The following DISP3 variants were observed in gnomAD, a reference collection of about 807,000 sequenced individuals.
DISP3 encodes the protein protein dispatched homolog 3.
Under a neutral mutation model 135.3 loss-of-function variants are expected in DISP3, and 101 were observed. The observed-to-expected ratio is 0.75, with a 90% confidence interval of 0.64 to 0.88. The LOEUF (loss-of-function observed/expected upper bound fraction) is 0.88. Ranked by LOEUF, DISP3 falls within the 40% of genes least tolerant of loss-of-function variation. DISP3 has a pLI of 0.00. For missense variants in DISP3, 1,713 were observed against 1,878.6 expected (o/e 0.91, Z 1.63); for synonymous variants, 856 against 817.0 (o/e 1.05, Z -0.81).
At chr1:11,532,715 G>GT (rs1231606007) in intron 17 of DISP3, among the ~76,000 whole-genome samples, 1 of 152,050 alleles carries the variant, frequency 6.6e-6, no homozygotes, top group African/African-American at 2.4e-5. Context: ...TTGTTTGTTT[G>GT]TTTTGAGTCA....
chr1:11,494,975 G>A (rs925370937), intron 1 of DISP3, among the ~76,000 whole-genome samples: 6 of 152,190 alleles, frequency 3.9e-5, no homozygotes, highest in Non-Finnish European at 7.3e-5. Flanking sequence ...GAGGAGTGAG[G>A]CCTGGCAGGG....
intron 1 of DISP3, among the ~76,000 whole-genome samples, chr1:11,480,673 G>A (rs1284357471): frequency 3.1e-5 from 3 of 95,470 alleles, no homozygotes; most frequent in Admixed American, 1.3e-4. Context: ...CCCAGCGCGC[G>A]CGTGCACACA....
chr1:11,525,390 C>T, intron 12 of DISP3, 78 bp downstream of exon 12: 1 of 1,499,026 alleles, frequency 6.7e-7, no homozygotes, highest in Non-Finnish European at 8.9e-7. Context: ...TGGTGGGCAG[C>T]CCTGGCCAAT....
At position 11,501,817 on chromosome 1, in the gene DISP3, C is replaced by G. The variant is rs1376102818; in HGVS notation, c.825C>G (p.Ile275Met). The G allele has an allele frequency of 6.2e-7, 1 of 1,609,614 alleles. No homozygotes were observed. Among genetic ancestry groups the G allele is most frequent in the Non-Finnish European group, 8.5e-7 (1 of 1,178,032 alleles). The change falls in exon 2 of 21, where the codon ATC (isoleucine) becomes ATG (methionine). Residue 275 changes from isoleucine (I) to methionine (M), a missense_variant. Around this residue, in one of 2 missense-constraint regions of DISP3, gnomAD observed 571 missense variants for 494.1 expected, o/e 1.16. Coordinates refer to ENST00000294484, the MANE Select transcript of DISP3 (RefSeq NM_020780.2). The surrounding 1 kb of genome is among the most constrained non-coding windows in gnomAD (Gnocchi z 4.9). ...ANTQTHAHWRIELIFLARGDA... is the reference protein window; with the variant it reads ...ANTQTHAHWRMELIFLARGDA... Reference sequence around the variant, plus strand: ...CTCAGACGCACGCGCACTGGCGCATCGAGCTCATCTTCCTGGCGCGCGGCG... The same window carrying G: ...CTCAGACGCACGCGCACTGGCGCATGGAGCTCATCTTCCTGGCGCGCGGCG...
chr1:11,501,950 G>A lies in DISP3; in HGVS notation c.958G>A (p.Glu320Lys), dbSNP rs1641548274. ...GFREFCWKPHEVLKDLPLGSY... is the reference protein window; with the variant it reads ...GFREFCWKPHKVLKDLPLGSY... ...CCGGGAGTTCTGCTGGAAGCCCCAC[G>A]AGGTGCTCAAGGATCTGCCGCTGGG... The change falls in exon 2 of 21, where the codon GAG becomes AAG. Residue 320 changes from glutamate (E) to lysine (K), a missense_variant. By Grantham distance (56) the Glu-to-Lys change is moderately conservative. Coordinates refer to ENST00000294484, the MANE Select transcript of DISP3 (RefSeq NM_020780.2). This position sits in a 1 kb window ranked among gnomAD's most constrained non-coding sequence, Gnocchi z 4.9. 1 of 1,613,846 alleles carries A rather than the reference G, an allele frequency of 6.2e-7. No homozygotes were observed. Among genetic ancestry groups the A allele is most frequent in the Non-Finnish European group, 8.5e-7 (1 of 1,179,964 alleles).
rs201521456 is a variant in DISP3, at chr1:11,490,255, TTTTTTG to T, written c.-3-10710_-3-10705del. Among the ~76,000 whole-genome samples, 255 of 151,878 alleles carry T rather than the reference TTTTTTG, an allele frequency of 1.7e-3. 1 individual carries two copies. The highest frequency in any genetic ancestry group is 4.5e-3 in the African/African-American group (188 of 41,388). ...ACAGGTTCTGTAAGTGTTGCTGGGG[TTTTTTG>T]TTTTTGTTTTTGTTTTTGTTTTTGG... On this transcript the variant is annotated intron_variant, in intron 1 of 20. Transcript: ENST00000294484.
intron 1 of DISP3, among the ~76,000 whole-genome samples, chr1:11,479,638 G>T (rs1471836889): frequency 6.6e-6 from 1 of 152,212 alleles, no homozygotes; most frequent in Non-Finnish European, 1.5e-5. Context: ...AGCATTCTTG[G>T]TCGGCCAAGG....
rs1237196099 is a variant in DISP3 at position 11,499,522 on chromosome 1, TG to T, written c.-3-1465del. Among the ~76,000 whole-genome samples, 1 of 152,108 alleles carries T rather than the reference TG, an allele frequency of 6.6e-6. No individual in the cohort carries two copies. The highest frequency in any genetic ancestry group is 1.5e-5 in the Non-Finnish European group (1 of 68,024). ...CAGGCTCGTGTTAGGGCGTTGCAAA[TG>T]GGAAGTTTAATTATTTCATTAATAC... On this transcript the variant is annotated intron_variant, in intron 1 of 20. Coordinates refer to ENST00000294484, the MANE Select transcript of DISP3 (RefSeq NM_020780.2). This position sits in a 1 kb window ranked among gnomAD's most constrained non-coding sequence, Gnocchi z 5.2.
chr1:11,525,172 G>A lies in DISP3; in HGVS notation c.2477-4G>A, dbSNP rs191852506. On this transcript the variant is annotated splice_region_variant and splice_polypyrimidine_tract_variant and intron_variant, in intron 11 of 20. Coordinates refer to ENST00000294484, the MANE Select transcript of DISP3 (RefSeq NM_020780.2). ...CCCCTCTTTCATCCCTTATTTGTCC[G>A]TAGATTTCCCAGGCACCGTGTACAT... 1,217 of 1,612,906 alleles carry A rather than the reference G, an allele frequency of 7.5e-4. 8 individuals carry two copies. In the African/African-American group the frequency reaches 0.012, roughly 16 times the overall value.
rs986349476 is a variant in DISP3, at chr1:11,531,367, G to A, written c.3230-198G>A. Among the ~76,000 whole-genome samples, 2 of 152,138 alleles carry A rather than the reference G, an allele frequency of 1.3e-5. No individual in the cohort carries two copies. The highest frequency in any genetic ancestry group is 2.4e-5 in the African/African-American group (1 of 41,430). On this transcript the variant is annotated intron_variant, in intron 16 of 20. Transcript: ENST00000294484. The surrounding 1 kb of genome is among the most constrained non-coding windows in gnomAD (Gnocchi z 5.2). ...AGCCAATGTGGATGAGGTCACCACC[G>A]GGGTGTCCCTGGGAGGGGCCCACAG... is the stretch of plus-strand genomic sequence containing the variant.
intron 1 of DISP3, among the ~76,000 whole-genome samples, chr1:11,488,318 A>G (rs1641092576): frequency 6.6e-6 from 1 of 152,060 alleles, no homozygotes; most frequent in South Asian, 2.1e-4. Flanking sequence ...TGAGGCTGAG[A>G]CCAGTGTCAG....
At position 11,530,910 on chromosome 1, in the gene DISP3, A is replaced by G; in HGVS notation, c.3106A>G (p.Ser1036Gly). The change falls in exon 16 of 21, where the codon AGT (serine) becomes GGT (glycine). Residue 1036 changes from serine (S) to glycine (G), a missense_variant. Ser to Gly is a moderately conservative substitution (Grantham distance 56). This residue lies in a region of DISP3 where 1,142 missense variants were observed against 1,384.6 expected (regional missense o/e 0.82). Transcript: ENST00000294484. ...GGCTTGTTTCTCCTTGGGAAAGGGTAGTGTTGTCTACGACAGCAGCTTTGA... is the reference window on the plus strand; with the variant it reads ...GGCTTGTTTCTCCTTGGGAAAGGGTGGTGTTGTCTACGACAGCAGCTTTGA... ...VDNHVIGDPG[S>G]VVYDSSFDLF... The G allele has an allele frequency of 6.2e-7, 1 of 1,613,568 alleles. No homozygotes were observed. The highest frequency in any genetic ancestry group is 8.5e-7 in the Non-Finnish European group (1 of 1,179,752).
intron 10 of DISP3, among the ~76,000 whole-genome samples, chr1:11,522,197 A>G (rs1354980786): frequency 6.6e-6 from 1 of 152,180 alleles, no homozygotes; most frequent in Admixed American, 6.5e-5. Flanking sequence ...TTGCCAGGGC[A>G]GTTAGAAACC....
In DISP3 at chr1:11,520,814, G is replaced by A. The variant is rs1642165299; in HGVS notation, c.2328G>A (p.Leu776=). 7 of 1,612,146 alleles carry A rather than the reference G, an allele frequency of 4.3e-6. No individual in the cohort carries two copies. Among genetic ancestry groups the A allele is most frequent in the South Asian group, 3.3e-5 (3 of 90,832 alleles). The change falls in exon 10 of 21, where the codon CTG becomes CTA. Residue 776 remains leucine, a synonymous_variant. Coordinates refer to ENST00000294484, the MANE Select transcript of DISP3 (RefSeq NM_020780.2). This position sits in a 1 kb window ranked among gnomAD's most constrained non-coding sequence, Gnocchi z 4.8. ...IQVLLDLKYN[L]SAEGISCITC... is the part of the protein sequence containing the mutation. ...TGCTGCTGGACCTCAAGTACAACCT[G>A]AGCGCCGAGGGCATCTCCTGCATCA...
At position 11,536,513 on chromosome 1, in the gene DISP3, G is replaced by T; in HGVS notation, c.4006G>T (p.Val1336Phe). 6.2e-7 allele frequency: 1 copy of T among 1,613,338 alleles called. No homozygotes were observed. Among genetic ancestry groups the T allele is most frequent in the Non-Finnish European group, 8.5e-7 (1 of 1,179,980 alleles). ...TGVSILYTLTVSTALLGIMAP... is the reference protein window; with the variant it reads ...TGVSILYTLTFSTALLGIMAP... ...CGTGTCCATCCTCTACACGCTGACC[G>T]TCAGCACCGCCCTGCTGGGCATCAT... Residue 1336 changes from valine to phenylalanine, a missense_variant, in exon 21 of 21, where the codon GTC (valine) becomes TTC (phenylalanine). Val to Phe is a conservative substitution (Grantham distance 50). Transcript: ENST00000294484. The surrounding 1 kb of genome is among the most constrained non-coding windows in gnomAD (Gnocchi z 4.3).
chr1:11,519,752 CTG>C lies in DISP3; in HGVS notation c.2076_2077del (p.Ser693ProfsTer70), dbSNP rs1479246066. 1 of 1,613,018 alleles carries C rather than the reference CTG, an allele frequency of 6.2e-7. No individual in the cohort carries two copies. Among genetic ancestry groups the C allele is most frequent in the African/African-American group, 1.3e-5 (1 of 74,944 alleles). ...GAGCTGGGAGACGTGTCCCTGGTGTCTGTGTCCCCCGAGGGTCTGCAGCCAGC... is the reference window on the plus strand; with the variant it reads ...GAGCTGGGAGACGTGTCCCTGGTGTCTGTCCCCCGAGGGTCTGCAGCCAGC... On this transcript the variant is annotated frameshift_variant, in exon 9 of 21. Transcript: ENST00000294484. LOFTEE classifies it high-confidence loss of function. The surrounding 1 kb of genome is among the most constrained non-coding windows in gnomAD (Gnocchi z 4.3).
intron 3 of DISP3, among the ~76,000 whole-genome samples, chr1:11,503,521 A>T (rs1025367747): frequency 1.6e-4 from 24 of 152,094 alleles, no homozygotes; most frequent in African/African-American, 5.3e-4. Flanking sequence ...AAGGCCAGAG[A>T]GCGTAGAGTT....
In DISP3 at chr1:11,519,255, A is replaced by T. The variant is rs539210132; in HGVS notation, c.1890-100A>T. 1.5e-6 allele frequency: 2 copies of T among 1,374,410 alleles called. No homozygotes were observed. The highest frequency in any genetic ancestry group is 4.6e-5 in the East Asian group (2 of 43,344). 85.1% of individuals were successfully genotyped at this position (1,374,410 alleles called of 1,614,324 possible). A position where few individuals can be genotyped will look rare whatever the true frequency, so the allele number is the denominator to read the frequency against. On this transcript the variant is annotated intron_variant, in intron 7 of 20. Coordinates refer to ENST00000294484, the MANE Select transcript of DISP3 (RefSeq NM_020780.2). The surrounding 1 kb of genome is among the most constrained non-coding windows in gnomAD (Gnocchi z 4.3). Reference sequence around the variant, plus strand: ...TCATCCTGTGTGTGACGTCAGCAGCACTGTGATACCTGGGTTCATCTGATC... The same window carrying T: ...TCATCCTGTGTGTGACGTCAGCAGCTCTGTGATACCTGGGTTCATCTGATC...
rs1384200868 is a variant in DISP3, at chr1:11,514,370, C to T, written c.1317-20C>T. ...ATCCTCTTCCTGTCATTCTTTTCTC[C>T]ACGTCCTCCCTTCCCCCAGCAAAGT... On this transcript the variant is annotated intron_variant, in intron 3 of 20. Coordinates refer to ENST00000294484, the MANE Select transcript of DISP3 (RefSeq NM_020780.2). The T allele has an allele frequency of 6.3e-7, 1 of 1,597,482 alleles. No homozygotes were observed. The highest frequency in any genetic ancestry group is 8.6e-7 in the Non-Finnish European group (1 of 1,165,164).
Sources: allele counts gnomAD v4.1 joint callset (sites outside exome capture counted in the v4.1 genomes callset), GRCh38; gene constraint gnomAD v4.1.1; regional missense constraint gnomAD v4.1.1; non-coding constraint Gnocchi (gnomAD v3.1); transcripts MANE v1.5; gene names NCBI Gene and HGNC (gene_info 2026-07-23, HGNC 2026-07-21).